Variants in MRPS28 observed in about 807,000 individuals in gnomAD.
MRPS28 encodes the protein mitochondrial ribosomal protein S28.
Under a neutral mutation model 10.8 loss-of-function variants are expected in MRPS28, and 7 were observed. That is an observed-to-expected ratio of 0.65 (90% CI 0.37 to 1.22). MRPS28 has a LOEUF of 1.22. Among genes scored for constraint, MRPS28 ranks in the 50% most tolerant of loss-of-function variants. The probability of loss-of-function intolerance (pLI) is 0.02; values close to 1 mark genes in which losing one functional copy is unlikely to be tolerated. For missense variants in MRPS28, 265 were observed against 232.9 expected (o/e 1.14, Z -0.90); for synonymous variants, 121 against 93.3 (o/e 1.30, Z -1.71).
intron 2 of MRPS28, among the ~76,000 whole-genome samples, chr8:79,951,957 A>C (rs1807090121): frequency 6.6e-6 from 1 of 152,208 alleles, no homozygotes. Context: ...TGAGTTGGTA[A>C]GTTTCTTATT....
intron 2 of MRPS28, among the ~76,000 whole-genome samples, chr8:79,991,949 T>G (rs1463869960): frequency 1.1e-5 from 1 of 93,136 alleles, no homozygotes; most frequent in African/African-American, 3.6e-5. Context: ...TCTCTCTCTC[T>G]CTCTCTCTCT....
chr8:79,938,976 T>C (rs1806684439), intron 2 of MRPS28, among the ~76,000 whole-genome samples: 1 of 152,220 alleles, frequency 6.6e-6, no homozygotes, highest in Non-Finnish European at 1.5e-5. Flanking sequence ...GAGCTGGCTA[T>C]GGAAGTGAGA....
At chr8:80,027,181 G>A (rs569862689) in intron 1 of MRPS28, among the ~76,000 whole-genome samples, 1 of 152,340 alleles carries the variant, frequency 6.6e-6, no homozygotes, top group Admixed American at 6.5e-5. Context: ...GCAGAAGGCT[G>A]GAGAAGAAAC....
intron 2 of MRPS28, among the ~76,000 whole-genome samples, chr8:79,975,475 A>G (rs891279291): frequency 2.0e-5 from 3 of 152,226 alleles, no homozygotes; most frequent in Non-Finnish European, 4.4e-5. Context: ...TTTGTATGGC[A>G]AAGTAATCAA....
intron 1 of MRPS28, among the ~76,000 whole-genome samples, chr8:80,007,263 C>G (rs1052739489): frequency 1.3e-5 from 2 of 152,060 alleles, no homozygotes; most frequent in Non-Finnish European, 2.9e-5. Flanking sequence ...GTATTGATGG[C>G]ACGTATCTCA....
chr8:79,977,349 T>C (rs1409593467), intron 2 of MRPS28, among the ~76,000 whole-genome samples: 1 of 152,120 alleles, frequency 6.6e-6, no homozygotes, highest in African/African-American at 2.4e-5. Flanking sequence ...ATAACAGAAA[T>C]ATCGACATAA....
chr8:79,985,434 A>C (rs1002912720), intron 2 of MRPS28, among the ~76,000 whole-genome samples: 7 of 152,172 alleles, frequency 4.6e-5, no homozygotes, highest in Non-Finnish European at 1.0e-4. Flanking sequence ...TCAGAGCAGA[A>C]CTGAAGGAAA....
intron 1 of MRPS28, among the ~76,000 whole-genome samples, chr8:80,019,583 T>C (rs181904665): frequency 3.9e-4 from 60 of 152,216 alleles, no homozygotes; most frequent in African/African-American, 1.3e-3. Context: ...AAGGCAAGGA[T>C]GTCCCCTCTC....
At chr8:79,933,463 A>C (rs1806521455) in intron 2 of MRPS28, among the ~76,000 whole-genome samples, 1 of 152,256 alleles carries the variant, frequency 6.6e-6, no homozygotes, top group Non-Finnish European at 1.5e-5. Flanking sequence ...CTTGGGCTTC[A>C]ACATATAAAT....
At chr8:79,978,556 T>C (rs965364729) in intron 2 of MRPS28, among the ~76,000 whole-genome samples, 1 of 152,186 alleles carries the variant, frequency 6.6e-6, no homozygotes, top group African/African-American at 2.4e-5. Context: ...AAACTGTGGA[T>C]AATGTTTCCT....
chr8:79,969,346 A>C (rs1195829097), intron 2 of MRPS28, among the ~76,000 whole-genome samples: 1 of 152,228 alleles, frequency 6.6e-6, no homozygotes, highest in Non-Finnish European at 1.5e-5. Context: ...AATCTTAGAC[A>C]ACTATTTGAA....
At chr8:80,006,966 C>A (rs1476559532) in intron 1 of MRPS28, among the ~76,000 whole-genome samples, 1 of 151,952 alleles carries the variant, frequency 6.6e-6, no homozygotes, top group Non-Finnish European at 1.5e-5. Flanking sequence ...GAGACACAAC[C>A]AAAAAAGAGA....
chr8:79,962,014 G>A (rs190919987), intron 2 of MRPS28, among the ~76,000 whole-genome samples: 55 of 152,102 alleles, frequency 3.6e-4, no homozygotes, highest in African/African-American at 1.3e-3. Context: ...TAAGTGGAAC[G>A]AATATTTCTT....
chr8:79,948,843 CA>C (rs1466166270), intron 2 of MRPS28, among the ~76,000 whole-genome samples: 2 of 152,012 alleles, frequency 1.3e-5, no homozygotes, highest in African/African-American at 4.8e-5. Context: ...ATACATTTTT[CA>C]AAAGCTATTT....
chr8:80,018,903 C>T (rs1306970057), intron 1 of MRPS28, among the ~76,000 whole-genome samples: 1 of 152,186 alleles, frequency 6.6e-6, no homozygotes, highest in African/African-American at 2.4e-5. Flanking sequence ...CACAGAAAGA[C>T]AAACTTTACA....
At chr8:79,963,165 C>T (rs1478493877) in intron 2 of MRPS28, among the ~76,000 whole-genome samples, 1 of 152,092 alleles carries the variant, frequency 6.6e-6, no homozygotes. Flanking sequence ...AAATCTAAAA[C>T]TGAATCAAGA....
intron 2 of MRPS28, among the ~76,000 whole-genome samples, chr8:79,952,062 T>C (rs937363926): frequency 2.6e-5 from 4 of 152,216 alleles, no homozygotes; most frequent in Admixed American, 1.3e-4. Context: ...TAATATCTCA[T>C]AGAGCCTATT....
intron 2 of MRPS28, among the ~76,000 whole-genome samples, chr8:79,949,413 C>CAAAAA (rs58390672): frequency 1.0e-5 from 1 of 96,950 alleles, no homozygotes; most frequent in Non-Finnish European, 2.2e-5. Context: ...GACTCCGTCT[C>CAAAAA]AAAAAAAAAA....
chr8:79,919,811 A>G (rs1259718985), intron 2 of MRPS28, among the ~76,000 whole-genome samples: 1 of 152,164 alleles, frequency 6.6e-6, no homozygotes, highest in African/African-American at 2.4e-5. Flanking sequence ...TTATTTTTTT[A>G]TTACACTTTA....
Sources: gnomAD v4.1 joint callset for allele counts (sites outside exome capture counted in the v4.1 genomes callset) on GRCh38, gnomAD v4.1.1 for gene constraint, MANE v1.5 for transcripts, NCBI Gene and HGNC (gene_info 2026-07-23, HGNC 2026-07-21) for gene names.